Variants in OSBPL9 observed in about 807,000 individuals in gnomAD.
OSBPL9 encodes the protein oxysterol-binding protein-related protein 9.
Under a neutral mutation model 106.6 loss-of-function variants are expected in OSBPL9, and 40 were observed. The ratio of observed to expected loss-of-function variants is 0.38; its 90% confidence interval spans 0.29 to 0.49. OSBPL9 has a LOEUF of 0.49. Among genes scored for constraint, OSBPL9 ranks in the 20% least tolerant of loss-of-function variants. The pLI, the probability that OSBPL9 is intolerant of heterozygous loss-of-function variation, is 0.97. For missense variants in OSBPL9, 609 were observed against 887.2 expected (o/e 0.69, Z 3.98); for synonymous variants, 269 against 295.4 (o/e 0.91, Z 0.92).
intron 3 of OSBPL9, among the ~76,000 whole-genome samples, chr1:51,693,568 A>G (rs1373320643): frequency 1.3e-5 from 2 of 152,194 alleles, no homozygotes; most frequent in African/African-American, 4.8e-5. Context: ...TTCTAATGTG[A>G]TCTCACCTCT....
At chr1:51,769,852 A>T (rs1281410589) in intron 12 of OSBPL9, among the ~76,000 whole-genome samples, 1 of 152,208 alleles carries the variant, frequency 6.6e-6, no homozygotes, top group Non-Finnish European at 1.5e-5. Flanking sequence ...GGACCTTTGA[A>T]ATTACATCTA....
chr1:51,758,687 G>A (rs1670883946), intron 9 of OSBPL9, among the ~76,000 whole-genome samples: 1 of 152,154 alleles, frequency 6.6e-6, no homozygotes, highest in Non-Finnish European at 1.5e-5. Context: ...GAGAATTCTG[G>A]TCCCTTGTTC....
At chr1:51,592,207 C>G (rs1645279554) in intron 1 of OSBPL9, among the ~76,000 whole-genome samples, 1 of 148,922 alleles carries the variant, frequency 6.7e-6, no homozygotes, top group Non-Finnish European at 1.5e-5. Flanking sequence ...CTCCGCCTCA[C>G]AGGTTCAAGC....
chr1:51,527,928 C>T, the OSBPL9 span, among the ~76,000 whole-genome samples: 1 of 146,876 alleles, frequency 6.8e-6, no homozygotes, highest in Non-Finnish European at 1.5e-5. Context: ...GCCTGGCCAA[C>T]ATGGCAAAAC....
the OSBPL9 span, among the ~76,000 whole-genome samples, chr1:51,539,911 C>T: frequency 3.9e-5 from 6 of 152,220 alleles, no homozygotes; most frequent in Non-Finnish European, 8.8e-5. Context: ...TGTGATCTAT[C>T]GTCTGCCTGT....
the OSBPL9 span, among the ~76,000 whole-genome samples, chr1:51,530,184 A>AAAAAAAAACAAACAAAC: frequency 9.7e-5 from 10 of 103,404 alleles, no homozygotes; most frequent in Admixed American, 5.7e-4. Flanking sequence ...AAAAAAAAAA[A>AAAAAAAAACAAACAAAC]AAAAAAAACA....
At chr1:51,571,170 C>T in the OSBPL9 span, among the ~76,000 whole-genome samples, 3 of 152,086 alleles carry the variant, frequency 2.0e-5, no homozygotes, top group African/African-American at 7.2e-5. Context: ...TAATTTTTAG[C>T]TTCTGAAGAA....
intron 12 of OSBPL9, among the ~76,000 whole-genome samples, chr1:51,770,707 CAAAG>C (rs1557844526): frequency 1.3e-5 from 2 of 152,106 alleles, no homozygotes; most frequent in African/African-American, 4.8e-5. Context: ...ACTAAATAAT[CAAAG>C]AAGTAATACT....
At chr1:51,634,951 G>A (rs980658467) in intron 1 of OSBPL9, among the ~76,000 whole-genome samples, 3 of 152,148 alleles carry the variant, frequency 2.0e-5, no homozygotes, top group Non-Finnish European at 4.4e-5. Context: ...AAACAGTATG[G>A]GGGAAACTGG....
intron 8 of OSBPL9, among the ~76,000 whole-genome samples, chr1:51,754,381 A>G (rs1487419788): frequency 6.6e-6 from 1 of 152,246 alleles, no homozygotes; most frequent in Non-Finnish European, 1.5e-5. Context: ...ATGCGGTAAA[A>G]CAGTATTTCA....
intron 3 of OSBPL9, among the ~76,000 whole-genome samples, chr1:51,687,643 C>T (rs1180696147): frequency 6.6e-6 from 1 of 152,110 alleles, no homozygotes; most frequent in African/African-American, 2.4e-5. Flanking sequence ...TATGCACAAG[C>T]TTGGAAGTGT....
intron 8 of OSBPL9, among the ~76,000 whole-genome samples, chr1:51,755,877 T>A (rs112039065): frequency 6.6e-6 from 1 of 152,228 alleles, no homozygotes; most frequent in African/African-American, 2.4e-5. Flanking sequence ...CATCCAGCCC[T>A]TGGCAACTAT....
chr1:51,536,719 G>A, the OSBPL9 span, among the ~76,000 whole-genome samples: 1 of 152,130 alleles, frequency 6.6e-6, no homozygotes, highest in African/African-American at 2.4e-5. Context: ...CAGGTGTTCT[G>A]TAGTGTCTCC....
chr1:51,718,549 C>T (rs540260700), intron 4 of OSBPL9, among the ~76,000 whole-genome samples: 1 of 152,056 alleles, frequency 6.6e-6, no homozygotes, highest in Non-Finnish European at 1.5e-5. Flanking sequence ...TTGGATAGTT[C>T]GTCTGTATAC....
chr1:51,524,874 T>C, the OSBPL9 span, among the ~76,000 whole-genome samples: 23 of 152,326 alleles, frequency 1.5e-4, no homozygotes, highest in Non-Finnish European at 2.1e-4. Flanking sequence ...CTTGCACTCA[T>C]GGCTGCAGGT....
chr1:51,652,130 C>T, intron 2 of OSBPL9, 89 bp downstream of exon 2: 1 of 992,646 alleles, frequency 1.0e-6, no homozygotes, highest in Non-Finnish European at 1.5e-6. Context: ...TTTAGTTTAG[C>T]TTCCTTACAT....
chr1:51,684,000 C>CTTAT (rs964605475), intron 3 of OSBPL9, among the ~76,000 whole-genome samples: 3 of 151,914 alleles, frequency 2.0e-5, no homozygotes, highest in African/African-American at 4.8e-5. Flanking sequence ...TTCAAGAAGT[C>CTTAT]TTATTTATTT....
intron 1 of OSBPL9, among the ~76,000 whole-genome samples, chr1:51,645,062 A>T (rs1346449989): frequency 2.0e-5 from 3 of 152,042 alleles, no homozygotes; most frequent in African/African-American, 7.2e-5. Context: ...GCTCACTTGT[A>T]CTCTTTGCCT....
At chr1:51,655,841 G>C (rs1227765617) in intron 2 of OSBPL9, among the ~76,000 whole-genome samples, 1 of 152,178 alleles carries the variant, frequency 6.6e-6, no homozygotes, top group Non-Finnish European at 1.5e-5. Context: ...GTGACGATTA[G>C]GTCCTGGCAC....
Sources: gnomAD v4.1 joint callset for allele counts (sites outside exome capture counted in the v4.1 genomes callset) on GRCh38, gnomAD v4.1.1 for gene constraint, MANE v1.5 for transcripts, NCBI Gene and HGNC (gene_info 2026-07-23, HGNC 2026-07-21) for gene names.